PSMD2: variants seen among roughly 807,000 people sequenced by gnomAD.
PSMD2 encodes 26S proteasome non-ATPase regulatory subunit 2.
In PSMD2, 8 loss-of-function variants were observed where a neutral mutation model predicts 101.5. The observed-to-expected ratio is 0.08, with a 90% CI of 0.05 to 0.14. The LOEUF is 0.14. Ranked by LOEUF, PSMD2 falls within the 10% of genes least tolerant of loss-of-function variation. The pLI, the probability that PSMD2 is intolerant of heterozygous loss-of-function variation, is 1.00. For missense variants in PSMD2, 784 were observed against 1,147.4 expected, an observed-to-expected ratio of 0.68 and a Z score of 4.58; for synonymous variants, 418 against 433.8, an observed-to-expected ratio of 0.96 and a Z score of 0.45.
In PSMD2 at chr3:184,300,387, T is replaced by G; in HGVS notation, c.300T>G (p.Arg100=). The G allele has an allele frequency of 1.9e-6, 3 of 1,614,154 alleles. No homozygotes were observed. Among genetic ancestry groups the G allele is most frequent in the Non-Finnish European group, 2.5e-6 (3 of 1,179,988 alleles). ...TSVPKPLKFL[R]PHYGKLKEIY... ...TGCCCAAGCCTCTCAAATTTCTGCG[T>G]CCACACTATGGCAAACTGAAGGAAA... The change falls in exon 3 of 21, where the codon CGT becomes CGG. Residue 100 remains arginine (R), a synonymous_variant. Transcript: ENST00000310118.
chr3:184,303,336 C>G lies in PSMD2; in HGVS notation c.1086C>G (p.Gly362=). Residue 362 remains glycine, a synonymous_variant, in exon 9 of 21, where the codon GGC becomes GGG. Transcript: ENST00000310118. ...CTGTTGCAGGGTTTGGGGGCAGTGG[C>G]TCTCAGGTGGACTCTGCCCGCATGA... The part of the protein sequence containing the change: ...HLENNRFGGS[G]SQVDSARMNL... The G allele has an allele frequency of 1.2e-6, 2 of 1,613,318 alleles. No individual in the cohort carries two copies. Among genetic ancestry groups the G allele is most frequent in the East Asian group, 2.2e-5 (1 of 44,876 alleles).
intron 7 of PSMD2, 58 bp downstream of exon 7, chr3:184,302,881 C>T (rs1721693504): frequency 3.5e-5 from 57 of 1,611,986 alleles, no homozygotes; most frequent in Non-Finnish European, 4.6e-5. Flanking sequence ...TGCCATTTCA[C>T]CTCCCTGACT....
chr3:184,306,720 T>A, intron 15 of PSMD2, 31 bp from the exon 16 acceptor site: 1 of 1,597,066 alleles, frequency 6.3e-7, no homozygotes, highest in Non-Finnish European at 8.5e-7. Flanking sequence ...TTCCTTGAGC[T>A]TAATGGGTTC....
chr3:184,299,491 CA>C, intron 1 of PSMD2, 90 bp downstream of exon 1: 1 of 1,305,062 alleles, frequency 7.7e-7, no homozygotes, highest in Non-Finnish European at 9.7e-7. Flanking sequence ...CCAACTACCC[CA>C]CCGCGCCAGG....
rs1157430609 is a variant in PSMD2 at position 184,306,461 on chromosome 3, A to G, written c.1916A>G (p.Lys639Arg). ...KDKKEKKDKD[K>R]KEAPADMGAH... ...AAGAAGGAAAAGAAAGACAAGGACA[A>G]GAAGGAAGCCCCTGCTGACATGGGA... Residue 639 changes from lysine to arginine, a missense_variant, in exon 15 of 21, where the codon AAG becomes AGG. Around this residue, in one of 6 missense-constraint regions of PSMD2, gnomAD observed 282 missense variants for 437.6 expected, o/e 0.64. Coordinates refer to ENST00000310118, the MANE Select transcript of PSMD2 (RefSeq NM_002808.5). 1 of 1,614,210 alleles carries G rather than the reference A, an allele frequency of 6.2e-7. No individual in the cohort carries two copies.
chr3:184,303,622 A>G (rs1360597929), intron 9 of PSMD2, 21 bp from the exon 10 acceptor site: 1 of 1,614,008 alleles, frequency 6.2e-7, no homozygotes, highest in Non-Finnish European at 8.5e-7. Context: ...TTTAAGACTA[A>G]TAGATTCTTC....
chr3:184,299,451 C>G (rs1020962722), intron 1 of PSMD2, 50 bp downstream of exon 1: 25 of 1,311,952 alleles, frequency 1.9e-5, no homozygotes, highest in Non-Finnish European at 2.3e-5. Context: ...GGCTGAGTCA[C>G]GGCGGCTCCG....
chr3:184,303,221 G>C, intron 8 of PSMD2, 99 bp from the exon 9 acceptor site: 1 of 1,523,282 alleles, frequency 6.6e-7, no homozygotes, highest in South Asian at 1.2e-5. Context: ...AGGATACTAA[G>C]GGACTAGCTC....
At position 184,304,619 on chromosome 3, in the gene PSMD2, C is replaced by G. The variant is rs193282729; in HGVS notation, c.1539+228C>G. Among the ~76,000 whole-genome samples the G allele has an allele frequency of 9.5e-4, 145 of 152,260 alleles. No individual in the cohort carries two copies. The highest frequency in any genetic ancestry group is 3.3e-3 in the African/African-American group (139 of 41,542). On this transcript the variant is annotated intron_variant, in intron 12 of 20. Coordinates refer to ENST00000310118, the MANE Select transcript of PSMD2 (RefSeq NM_002808.5). The surrounding 1 kb of genome is among the most constrained non-coding windows in gnomAD (Gnocchi z 4.1). ...TAACATTTTAGGCCTGGCACGGTGGCTCGTGCCTATAATCCCAGCACTTTG... is the reference window on the plus strand; with the variant it reads ...TAACATTTTAGGCCTGGCACGGTGGGTCGTGCCTATAATCCCAGCACTTTG...
chr3:184,307,925 C>T lies in PSMD2; in HGVS notation c.2334C>T (p.Leu778=), dbSNP rs34778649. 1.2e-3 allele frequency: 1,875 copies of T among 1,614,198 alleles called. 4 individuals are homozygous for T. Among genetic ancestry groups the T allele is most frequent in the Middle Eastern group, 2.3e-3 (14 of 6,062 alleles). The change falls in exon 19 of 21, where the codon CTC becomes CTT. Residue 778 remains leucine (L), a synonymous_variant. Transcript: ENST00000310118. The part of the protein sequence containing the change: ...LTHLGKGTLT[L]CPYHSDRQLM... The stretch of plus-strand genomic sequence containing the variant: ...ATTTAGGGAAGGGCACCCTTACCCT[C>T]TGCCCCTACCACAGCGACCGGCAGC...
intron 15 of PSMD2, 96 bp downstream of exon 15, chr3:184,306,591 G>C: frequency 6.5e-7 from 1 of 1,543,774 alleles, no homozygotes; most frequent in Non-Finnish European, 8.7e-7. Flanking sequence ...GCCTCTCTGG[G>C]TATTGCCATG....
Position 184,308,115 on chromosome 3 carries a change from G to T in PSMD2, c.2425+99G>T. ...AATTTAGGTTCAAGACCCCAGTTTA[G>T]CTCTGTATCGCTCTAGGTTTCTGAG... On this transcript the variant is annotated intron_variant, in intron 19 of 20. Coordinates refer to ENST00000310118, the MANE Select transcript of PSMD2 (RefSeq NM_002808.5). The surrounding 1 kb of genome is among the most constrained non-coding windows in gnomAD (Gnocchi z 6.0). 1 of 1,434,968 alleles carries T rather than the reference G, an allele frequency of 7.0e-7. No homozygotes were observed. The highest frequency in any genetic ancestry group is 1.3e-5 in the South Asian group (1 of 76,164). 88.9% of individuals were successfully genotyped at this position (1,434,968 alleles called of 1,614,324 possible). A position where few individuals can be genotyped will look rare whatever the true frequency, so the allele number is the denominator to read the frequency against.
Position 184,303,357 on chromosome 3 carries a change from C to T in PSMD2, c.1107C>T (p.Arg369=). The part of the protein sequence containing the change: ...GGSGSQVDSA[R]MNLASSFVNG... The stretch of plus-strand genomic sequence containing the variant: ...GTGGCTCTCAGGTGGACTCTGCCCG[C>T]ATGAACCTGGCCTCCTCTTTTGTGA... The change falls in exon 9 of 21, where the codon CGC becomes CGT. Residue 369 remains arginine, a synonymous_variant. Coordinates refer to ENST00000310118, the MANE Select transcript of PSMD2 (RefSeq NM_002808.5). The T allele has an allele frequency of 1.9e-6, 3 of 1,614,072 alleles. No homozygotes were observed. The highest frequency in any genetic ancestry group is 2.5e-6 in the Non-Finnish European group (3 of 1,180,022).
rs779163764 is a variant in PSMD2, at chr3:184,302,407, C to G, written c.742C>G (p.Leu248Val). The G allele has an allele frequency of 5.6e-6, 9 of 1,614,152 alleles. No individual in the cohort carries two copies. In the Admixed American group the frequency reaches 1.5e-4, roughly 27 times the overall value. ...CGTGCCTGAGCCTGAGAACTCAGCC[C>G]TACTGCGTTGTGCCCTGGGTGTGTT... Reference protein sequence around the residue: ...NYVPEPENSALLRCALGVFRK... With the variant: ...NYVPEPENSAVLRCALGVFRK... The change falls in exon 6 of 21, where the codon CTA becomes GTA. Residue 248 changes from leucine to valine, a missense_variant. Around this residue, in one of 6 missense-constraint regions of PSMD2, gnomAD observed 208 missense variants for 301.6 expected, o/e 0.69. Transcript: ENST00000310118.
In PSMD2 at chr3:184,304,036, C is replaced by T. The variant is rs970328972; in HGVS notation, c.1413C>T (p.Leu471=). The change falls in exon 11 of 21, where the codon CTC becomes CTT. Residue 471 remains leucine (L), a synonymous_variant. Transcript: ENST00000310118. The surrounding 1 kb of genome is among the most constrained non-coding windows in gnomAD (Gnocchi z 4.1). Reference sequence around the variant, plus strand: ...TGGCACTGCTCTCAGACTATGTTCTCCACAACAGCAACACCATGAGACTTG... The same window carrying T: ...TGGCACTGCTCTCAGACTATGTTCTTCACAACAGCAACACCATGAGACTTG... ...PALALLSDYV[L]HNSNTMRLGS... 6 of 1,614,072 alleles carry T rather than the reference C, an allele frequency of 3.7e-6. No homozygotes were observed. The Admixed American group carries it at 6.7e-5, about 18-fold the overall frequency.
In PSMD2 at chr3:184,299,495, G is replaced by A. The variant is rs572927545; in HGVS notation, c.135+94G>A. 3.6e-4 allele frequency: 472 copies of A among 1,302,328 alleles called. 2 individuals carry two copies. In the Middle Eastern group the frequency reaches 7.8e-3, roughly 22 times the overall value. 80.7% of individuals were successfully genotyped at this position (1,302,328 alleles called of 1,614,324 possible). On this transcript the variant is annotated intron_variant, in intron 1 of 20. Transcript: ENST00000310118. ...AGGCCCGACACCCAACTACCCCACC[G>A]CGCCAGGGAGAGGGCGGTTGGGGCG...
At position 184,300,668 on chromosome 3, in the gene PSMD2, G is replaced by T. The variant is rs560540115; in HGVS notation, c.357+224G>T. On this transcript the variant is annotated intron_variant, in intron 3 of 20. Coordinates refer to ENST00000310118, the MANE Select transcript of PSMD2 (RefSeq NM_002808.5). ...TGTATTGGACTTTGGGGTTTCATTA[G>T]CATGGTCTACTTTTAACGTATGTTT... 61 of 1,306,412 alleles carry T rather than the reference G, an allele frequency of 4.7e-5. No homozygotes were observed. In the East Asian group the frequency reaches 1.6e-3, roughly 34 times the overall value. 80.9% of individuals were successfully genotyped at this position (1,306,412 alleles called of 1,614,324 possible). A position where few individuals can be genotyped will look rare whatever the true frequency, so the allele number is the denominator to read the frequency against.
chr3:184,301,669 T>C lies in PSMD2; in HGVS notation c.479+11T>C. On this transcript the variant is annotated intron_variant, in intron 4 of 20. Transcript: ENST00000310118. ...TCATGAGTATGTCAGGTAAGATCTTTCTTCTTGGGAATCCGAAGGGGGCTC... is the reference window on the plus strand; with the variant it reads ...TCATGAGTATGTCAGGTAAGATCTTCCTTCTTGGGAATCCGAAGGGGGCTC... 2.5e-6 allele frequency: 4 copies of C among 1,613,984 alleles called. No homozygotes were observed. The highest frequency in any genetic ancestry group is 3.4e-6 in the Non-Finnish European group (4 of 1,179,884).
chr3:184,302,849 G>A, intron 7 of PSMD2, 26 bp downstream of exon 7: 1 of 1,613,768 alleles, frequency 6.2e-7, no homozygotes, highest in East Asian at 2.2e-5. Context: ...TTTCATCAAG[G>A]CCTTTTCGTC....
Sources: gnomAD v4.1 joint callset for allele counts (sites outside exome capture counted in the v4.1 genomes callset) on GRCh38, gnomAD v4.1.1 for gene constraint, gnomAD v4.1.1 regional missense constraint, Gnocchi (gnomAD v3.1) non-coding constraint, MANE v1.5 for transcripts, NCBI Gene and HGNC (gene_info 2026-07-23, HGNC 2026-07-21) for gene names.